KCNT2: variants seen among roughly 807,000 people sequenced by gnomAD.
KCNT2 encodes potassium sodium-activated channel subfamily T member 2, also known as potassium channel subfamily T member 2.
A neutral mutation model predicts 153.8 loss-of-function variants in KCNT2; 67 were observed. The ratio of observed to expected loss-of-function variants is 0.44; its 90% CI spans 0.36 to 0.53. KCNT2 has a LOEUF of 0.53. Among genes scored for constraint, KCNT2 ranks in the 20% least tolerant of loss-of-function variants. The pLI, the probability that KCNT2 is intolerant of heterozygous loss-of-function variation, is 0.00. For synonymous variants in KCNT2, 500 were observed against 458.8 expected (o/e 1.09, Z -1.15); for missense variants, 975 against 1,354.8 (o/e 0.72, Z 4.40).
At chr1:196,332,807 C>CA (rs1664593383) in intron 17 of KCNT2, among the ~76,000 whole-genome samples, 1 of 140,710 alleles carries the variant, frequency 7.1e-6, no homozygotes, top group Non-Finnish European at 1.5e-5. Context: ...TTTTTTAAGA[C>CA]AGAGTCTCAC....
At chr1:196,532,257 T>C (rs138353006) in intron 1 of KCNT2, among the ~76,000 whole-genome samples, 1 of 152,086 alleles carries the variant, frequency 6.6e-6, no homozygotes, top group Non-Finnish European at 1.5e-5. Context: ...TTCTGAATAG[T>C]TCGTAAACAC....
At chr1:196,323,986 C>T (rs919037248) in intron 19 of KCNT2, among the ~76,000 whole-genome samples, 2 of 150,310 alleles carry the variant, frequency 1.3e-5, no homozygotes, top group Admixed American at 6.7e-5. Context: ...AAAAGAATTG[C>T]ATAAAACTTC....
chr1:196,439,159 A>G (rs549160834), intron 8 of KCNT2, among the ~76,000 whole-genome samples: 11 of 151,984 alleles, frequency 7.2e-5, no homozygotes, highest in South Asian at 4.2e-4. Context: ...CCTTACCGTG[A>G]TTTAGTTTTA....
intron 7 of KCNT2, among the ~76,000 whole-genome samples, chr1:196,466,888 C>T (rs1169046398): frequency 1.3e-5 from 2 of 152,044 alleles, no homozygotes; most frequent in African/African-American, 4.8e-5. Context: ...TAAACCATGC[C>T]ACCAAGCAGG....
rs146284553 is a variant in KCNT2, at chr1:196,509,024, T to A, written c.96-16683A>T. Among the ~76,000 whole-genome samples the A allele has an allele frequency of 5.3e-5, 8 of 152,198 alleles. No homozygotes were observed. The East Asian group carries it at 1.5e-3, about 29-fold the overall frequency. On this transcript the variant is annotated intron_variant, in intron 1 of 27. Coordinates refer to ENST00000294725, the MANE Select transcript of KCNT2 (RefSeq NM_198503.5). ...TTGCTAATGCCTGTAATCCCAACATTTTAAGAGGTTGAGGCGGGCAGATCA... is the reference window on the plus strand; with the variant it reads ...TTGCTAATGCCTGTAATCCCAACATATTAAGAGGTTGAGGCGGGCAGATCA...
At chr1:196,279,055 C>G (rs1658845099) in intron 25 of KCNT2, among the ~76,000 whole-genome samples, 1 of 152,156 alleles carries the variant, frequency 6.6e-6, no homozygotes, top group Non-Finnish European at 1.5e-5. Flanking sequence ...GTGCCCTGAT[C>G]TTGGACTTCT....
chr1:196,284,900 A>T (rs1425006949), intron 23 of KCNT2, among the ~76,000 whole-genome samples: 1 of 152,222 alleles, frequency 6.6e-6, no homozygotes, highest in East Asian at 1.9e-4. Flanking sequence ...AGCAAAAAGA[A>T]TAGGTACAAT....
intron 9 of KCNT2, among the ~76,000 whole-genome samples, chr1:196,428,956 C>T (rs1673893062): frequency 6.6e-6 from 1 of 151,844 alleles, no homozygotes; most frequent in Admixed American, 6.6e-5. Flanking sequence ...CCTTTGCAAC[C>T]TCCCTACTCA....
At chr1:196,382,082 AATTT>A (rs547804260) in intron 13 of KCNT2, among the ~76,000 whole-genome samples, 2 of 143,186 alleles carry the variant, frequency 1.4e-5, no homozygotes, top group African/African-American at 2.6e-5. Flanking sequence ...TGTTTAACCA[AATTT>A]ATTTATTTAT....
rs1673822153 is a variant in KCNT2 at position 196,428,224 on chromosome 1, C to T, written c.865G>A (p.Gly289Arg). ...TGAGCTCTATGTCGACTATAGTTTC[C>T]TCCTGACTTTTGTCTCTCCATCCAC... is the stretch of plus-strand genomic sequence containing the variant. ...YLWMERQKSG[G>R]NYSRHRAQTE... The change falls in exon 10 of 28, where the codon GGA (glycine) becomes AGA (arginine). Residue 289 changes from glycine (G) to arginine (R), a missense_variant. Coordinates refer to ENST00000294725, the MANE Select transcript of KCNT2 (RefSeq NM_198503.5). The T allele has an allele frequency of 3.1e-6, 5 of 1,612,748 alleles. No homozygotes were observed. The highest frequency in any genetic ancestry group is 4.2e-6 in the Non-Finnish European group (5 of 1,179,086).
At chr1:196,317,341 CT>C (rs1197279838) in intron 20 of KCNT2, 1 of 398,376 alleles carries the variant, frequency 2.5e-6, no homozygotes, top group Non-Finnish European at 5.1e-6. Flanking sequence ...CATCCAACCA[CT>C]ATGATGACCT....
chr1:196,366,834 A>T (rs999896860), intron 14 of KCNT2, among the ~76,000 whole-genome samples: 2 of 152,218 alleles, frequency 1.3e-5, no homozygotes, highest in African/African-American at 4.8e-5. Flanking sequence ...TCATTCTGTC[A>T]CACAGTGAAT....
intron 5 of KCNT2, among the ~76,000 whole-genome samples, chr1:196,472,602 C>A (rs1298850869): frequency 6.6e-6 from 1 of 152,192 alleles, no homozygotes; most frequent in African/African-American, 2.4e-5. Flanking sequence ...ACATCAGCGC[C>A]TCTAAAGCAC....
intron 12 of KCNT2, among the ~76,000 whole-genome samples, chr1:196,412,713 T>A (rs1672441043): frequency 6.6e-6 from 1 of 151,458 alleles, no homozygotes; most frequent in African/African-American, 2.4e-5. Context: ...AAATTTTGAG[T>A]AAAGCAACAC....
At chr1:196,534,940 C>A (rs1655372824) in intron 1 of KCNT2, among the ~76,000 whole-genome samples, 1 of 152,186 alleles carries the variant, frequency 6.6e-6, no homozygotes, top group South Asian at 2.1e-4. Flanking sequence ...GCCTGGACTG[C>A]ATAATAACTA....
intron 22 of KCNT2, among the ~76,000 whole-genome samples, chr1:196,303,804 T>A (rs187950166): frequency 6.6e-6 from 1 of 152,304 alleles, no homozygotes; most frequent in African/African-American, 2.4e-5. Flanking sequence ...AGATCCTGGC[T>A]TCTTCATCAC....
chr1:196,292,511 T>C (rs1660273816), intron 22 of KCNT2, among the ~76,000 whole-genome samples: 1 of 151,892 alleles, frequency 6.6e-6, no homozygotes, highest in Non-Finnish European at 1.5e-5. Flanking sequence ...GGCATCTAAA[T>C]AGAAAAAGGA....
At chr1:196,331,288 T>C (rs1245777403) in intron 17 of KCNT2, 27 bp from the exon 18 acceptor site, 1 of 1,166,624 alleles carries the variant, frequency 8.6e-7, no homozygotes, top group East Asian at 2.3e-5. Context: ...AATATTACCC[T>C]TGGATAAGGC....
intron 16 of KCNT2, 92 bp from the exon 17 acceptor site, chr1:196,334,152 CAAT>C: frequency 1.4e-6 from 1 of 715,830 alleles, no homozygotes; most frequent in Admixed American, 2.5e-5. Context: ...ATAATAAACA[CAAT>C]AAATATATAT....
Sources: allele counts gnomAD v4.1 joint callset (sites outside exome capture counted in the v4.1 genomes callset), GRCh38; gene constraint gnomAD v4.1.1; transcripts MANE v1.5; gene names NCBI Gene and HGNC (gene_info 2026-07-23, HGNC 2026-07-21).